Variants in CMC1 observed in about 807,000 individuals in gnomAD.
CMC1 encodes the protein COX assembly mitochondrial protein homolog.
Under a neutral mutation model 14.1 loss-of-function variants are expected in CMC1, and 14 were observed. The observed-to-expected ratio is 0.99, with a 90% CI of 0.66 to 1.55. The LOEUF is 1.55. CMC1 is among the 40% of genes most tolerant of loss of function. CMC1 has a pLI of 0.00. For synonymous variants in CMC1, 50 were observed against 38.4 expected (o/e 1.30, Z -1.12); for missense variants, 127 against 123.8 (o/e 1.03, Z -0.12).
chr3:28,288,129 A>G (rs570731674), intron 2 of CMC1, among the ~76,000 whole-genome samples: 1 of 152,180 alleles, frequency 6.6e-6, no homozygotes, highest in Non-Finnish European at 1.5e-5. Flanking sequence ...TGATATATGA[A>G]TCTTCTTCAA....
intron 2 of CMC1, among the ~76,000 whole-genome samples, chr3:28,313,859 A>C (rs562550842): frequency 6.6e-6 from 1 of 152,380 alleles, no homozygotes; most frequent in East Asian, 1.9e-4. Context: ...ATCAGAAAGT[A>C]AGCATTTGCT....
At chr3:28,255,416 GT>G (rs1374385798) in intron 1 of CMC1, among the ~76,000 whole-genome samples, 1 of 151,112 alleles carries the variant, frequency 6.6e-6, no homozygotes, top group Non-Finnish European at 1.5e-5. Context: ...GATTTTTGTA[GT>G]TTTTTTTCAC....
chr3:28,322,139 T>C lies in CMC1; in HGVS notation c.*2510T>C, dbSNP rs1248899750. 6.6e-6 allele frequency: 1 copy of C among 151,248 alleles called. No individual in the cohort carries two copies. The highest frequency in any genetic ancestry group is 1.5e-5 in the Non-Finnish European group (1 of 67,442). 9.4% of individuals were successfully genotyped at this position (151,248 alleles called of 1,614,324 possible). A position where few individuals can be genotyped will look rare whatever the true frequency, so the allele number is the denominator to read the frequency against. On this transcript the variant is annotated 3_prime_UTR_variant, in exon 4 of 4. Coordinates refer to ENST00000466830, the MANE Select transcript of CMC1 (RefSeq NM_182523.2). ...GCTAATCTTTCCTTACTAAAGAACC[T>C]TATACATCATTTGTCTAACACTTTA...
chr3:28,253,045 G>A (rs556235684), intron 1 of CMC1, among the ~76,000 whole-genome samples: 46 of 152,008 alleles, frequency 3.0e-4, no homozygotes, highest in Non-Finnish European at 6.2e-4. Context: ...ATGTCTCTTC[G>A]TCTACCCTTC....
chr3:28,256,762 A>G (rs1364989405), intron 1 of CMC1, among the ~76,000 whole-genome samples: 1 of 152,232 alleles, frequency 6.6e-6, no homozygotes, highest in African/African-American at 2.4e-5. Flanking sequence ...ACAAAATTTG[A>G]GCATCCAAGA....
intron 2 of CMC1, 63 bp downstream of exon 2, chr3:28,263,443 C>T: frequency 9.2e-7 from 1 of 1,091,802 alleles, no homozygotes; most frequent in Admixed American, 2.4e-5. Context: ...TGAATTTAAT[C>T]CTTAGCCCCA....
chr3:28,283,103 T>C (rs750331302), intron 2 of CMC1, among the ~76,000 whole-genome samples: 2 of 152,184 alleles, frequency 1.3e-5, no homozygotes. Flanking sequence ...AAGTCTTGCA[T>C]AGAATTAAAG....
intron 1 of CMC1, among the ~76,000 whole-genome samples, chr3:28,246,145 G>T (rs760669047): frequency 4.6e-5 from 7 of 151,064 alleles, no homozygotes; most frequent in Non-Finnish European, 8.8e-5. Flanking sequence ...CATATCTCTA[G>T]AGTATCTTCT....
chr3:28,299,312 T>C (rs1701902175), intron 2 of CMC1, among the ~76,000 whole-genome samples: 1 of 152,150 alleles, frequency 6.6e-6, no homozygotes, highest in African/African-American at 2.4e-5. Flanking sequence ...TACTGATTTC[T>C]ACTTGACTGG....
chr3:28,313,100 A>G (rs1163727388), intron 2 of CMC1, among the ~76,000 whole-genome samples: 1 of 151,966 alleles, frequency 6.6e-6, no homozygotes, highest in Non-Finnish European at 1.5e-5. Context: ...CAAGTGATCC[A>G]CCCACCTTAG....
chr3:28,320,563 T>C lies in CMC1; in HGVS notation c.*934T>C, dbSNP rs1172718284. On this transcript the variant is annotated 3_prime_UTR_variant, in exon 4 of 4. Coordinates refer to ENST00000466830, the MANE Select transcript of CMC1 (RefSeq NM_182523.2). ...AACTAAGTTTCCAACACATGAACTC[T>C]TGGGGGACACATCAAACCATAGCAG... The C allele has an allele frequency of 6.6e-6, 1 of 151,532 alleles. No individual in the cohort carries two copies. Among genetic ancestry groups the C allele is most frequent in the Non-Finnish European group, 1.5e-5 (1 of 67,656 alleles). The allele number at this position is 151,532 out of a possible 1,614,324, so 9.4% of individuals were successfully genotyped here. A position where few individuals can be genotyped will look rare whatever the true frequency, so the allele number is the denominator to read the frequency against.
chr3:28,266,513 T>C (rs1224110891), intron 2 of CMC1, among the ~76,000 whole-genome samples: 1 of 151,930 alleles, frequency 6.6e-6, no homozygotes, highest in African/African-American at 2.4e-5. Flanking sequence ...GGTTTTTTTT[T>C]TTCCTTTTTC....
chr3:28,291,032 G>C (rs984036943), intron 2 of CMC1, among the ~76,000 whole-genome samples: 1 of 152,092 alleles, frequency 6.6e-6, no homozygotes, highest in African/African-American at 2.4e-5. Flanking sequence ...TCTGTAGGAT[G>C]CTGGGTTGAT....
At position 28,263,353 on chromosome 3, in the gene CMC1, A is replaced by C; in HGVS notation, c.82A>C (p.Lys28Gln). The C allele has an allele frequency of 1.2e-6, 2 of 1,608,450 alleles. No homozygotes were observed. The highest frequency in any genetic ancestry group is 1.7e-6 in the Non-Finnish European group (2 of 1,176,920). The change falls in exon 2 of 4, where the codon AAA becomes CAA. Residue 28 changes from lysine (K) to glutamine (Q), a missense_variant. Transcript: ENST00000466830. The stretch of plus-strand genomic sequence containing the variant: ...CCCTAAAATAATGAGAGAAAAGGCC[A>C]AAGAGAGGTGTTCTGAACAAGTTCA... ...LIPKIMREKAKERCSEQVQDF... is the reference protein window; with the variant it reads ...LIPKIMREKAQERCSEQVQDF...
At chr3:28,303,901 T>C (rs1702178869) in intron 2 of CMC1, among the ~76,000 whole-genome samples, 1 of 152,156 alleles carries the variant, frequency 6.6e-6, no homozygotes, top group Non-Finnish European at 1.5e-5. Context: ...GATTAGGTAT[T>C]TTAATAGGCT....
chr3:28,245,685 A>G (rs1698787517), intron 1 of CMC1, among the ~76,000 whole-genome samples: 1 of 152,188 alleles, frequency 6.6e-6, no homozygotes. Context: ...ATGACATTCC[A>G]TGAGAAGGTG....
At chr3:28,243,146 A>G (rs1334483071) in intron 1 of CMC1, among the ~76,000 whole-genome samples, 3 of 151,874 alleles carry the variant, frequency 2.0e-5, no homozygotes, top group Admixed American at 6.6e-5. Flanking sequence ...GCCTCCGCCT[A>G]CTGGGTTCAA....
intron 2 of CMC1, among the ~76,000 whole-genome samples, chr3:28,300,685 T>TTCCCTCCCTC (rs1276981350): frequency 9.7e-6 from 1 of 102,934 alleles, no homozygotes; most frequent in East Asian, 3.1e-4. Flanking sequence ...TTCCCTCCCT[T>TTCCCTCCCTC]TCCCTCCCTT....
chr3:28,301,210 G>T (rs1296688117), intron 2 of CMC1, among the ~76,000 whole-genome samples: 1 of 152,068 alleles, frequency 6.6e-6, no homozygotes, highest in Non-Finnish European at 1.5e-5. Flanking sequence ...ATTCCTTACA[G>T]ATGGGAACCT....
Sources: allele counts gnomAD v4.1 joint callset (sites outside exome capture counted in the v4.1 genomes callset), GRCh38; gene constraint gnomAD v4.1.1; transcripts MANE v1.5; gene names NCBI Gene and HGNC (gene_info 2026-07-23, HGNC 2026-07-21).